ZEB2: variants seen among roughly 807,000 people sequenced by gnomAD.
ZEB2 encodes zinc finger E-box-binding homeobox 2.
Under a neutral mutation model 99.9 loss-of-function variants are expected in ZEB2, and 6 were observed. That is an observed-to-expected ratio of 0.06 (90% CI 0.03 to 0.12). The LOEUF (loss-of-function observed/expected upper bound fraction) is 0.12, where lower values mean the gene tolerates loss of function less well. ZEB2 is among the 10% of genes least tolerant of loss of function. The pLI is 1.00. For synonymous variants in ZEB2, 517 were observed against 542.5 expected, an observed-to-expected ratio of 0.95 and a Z score of 0.65; for missense variants, 969 against 1,502.8, an observed-to-expected ratio of 0.64 and a Z score of 5.87.
Position 144,483,117 on chromosome 2 carries a change from G to GACACACACACACACAC in ZEB2, c.73+34145_73+34160dup, listed in dbSNP as rs70985858. On this transcript the variant is annotated intron_variant, in intron 2 of 9. Coordinates refer to ENST00000627532, the MANE Select transcript of ZEB2 (RefSeq NM_014795.4). ...AGAGAAAAAGTCAGTGTTTAGGTAA[G>GACACACACACACACAC]ACACACACACACACACACACACACA... Among the ~76,000 whole-genome samples, 145 of 130,754 alleles carry GACACACACACACACAC rather than the reference G, an allele frequency of 1.1e-3. 1 individual carries two copies. The highest frequency in any genetic ancestry group is 3.8e-3 in the Middle Eastern group (1 of 266). 85.8% of individuals were successfully genotyped at this position (130,754 alleles called of 152,430 possible). A position where few individuals can be genotyped will look rare whatever the true frequency, so the allele number is the denominator to read the frequency against.
At chr2:144,402,864 G>A (rs1000053543) in intron 6 of ZEB2, among the ~76,000 whole-genome samples, 2 of 152,164 alleles carry the variant, frequency 1.3e-5, no homozygotes, top group African/African-American at 4.8e-5. Flanking sequence ...TACATGAGCT[G>A]TTCTCCTAAA....
chr2:144,460,771 T>C (rs1485312912), intron 2 of ZEB2, among the ~76,000 whole-genome samples: 1 of 152,160 alleles, frequency 6.6e-6, no homozygotes, highest in Non-Finnish European at 1.5e-5. Context: ...ATTGGGCAGA[T>C]TGCTTCTCTC....
chr2:144,442,018 T>G (rs1437849843), intron 2 of ZEB2, among the ~76,000 whole-genome samples: 1 of 152,164 alleles, frequency 6.6e-6, no homozygotes, highest in Non-Finnish European at 1.5e-5. Context: ...AGAACCTCCG[T>G]TTCATTAAGA....
intron 2 of ZEB2, among the ~76,000 whole-genome samples, chr2:144,466,997 C>T (rs1704280875): frequency 6.6e-6 from 1 of 152,068 alleles, no homozygotes; most frequent in Non-Finnish European, 1.5e-5. Context: ...ATTAAGGTCG[C>T]CAAAATAATT....
chr2:144,467,270 T>A (rs1361025904), intron 2 of ZEB2, among the ~76,000 whole-genome samples: 1 of 152,052 alleles, frequency 6.6e-6, no homozygotes, highest in Non-Finnish European at 1.5e-5. Context: ...TTAAAGAAGG[T>A]AAATTTTGCC....
At position 144,449,563 on chromosome 2, in the gene ZEB2, G is replaced by A. The variant is rs371157308; in HGVS notation, c.74-19537C>T. Reference sequence around the variant, plus strand: ...GGTTGAAAGGTAGTGGAAAGTGGCTGAGTAAGACCCCGTCAGATTCAGTGC... The same window carrying A: ...GGTTGAAAGGTAGTGGAAAGTGGCTAAGTAAGACCCCGTCAGATTCAGTGC... On this transcript the variant is annotated intron_variant, in intron 2 of 9. Transcript: ENST00000627532. 9 of 152,222 alleles carry A rather than the reference G, an allele frequency of 5.9e-5. No homozygotes were observed. The East Asian group carries it at 7.7e-4, about 13-fold the overall frequency. The allele number at this position is 152,222 out of a possible 1,614,324, so 9.4% of individuals were successfully genotyped here.
At chr2:144,410,346 C>T (rs1703443375) in intron 4 of ZEB2, among the ~76,000 whole-genome samples, 1 of 152,140 alleles carries the variant, frequency 6.6e-6, no homozygotes. Context: ...GCCACTCTTA[C>T]TAATGTTGCT....
At chr2:144,513,417 T>C (rs961173303) in intron 2 of ZEB2, 30 of 1,392,012 alleles carry the variant, frequency 2.2e-5, no homozygotes, top group African/African-American at 8.6e-5. Context: ...CCCAACCCTT[T>C]AGTGGAAACT....
intron 2 of ZEB2, among the ~76,000 whole-genome samples, chr2:144,514,773 A>C (rs1261921219): frequency 1.3e-5 from 2 of 152,250 alleles, no homozygotes; most frequent in African/African-American, 2.4e-5. Flanking sequence ...AAAGTTAGAG[A>C]AGCTGTAAGC....
At chr2:144,441,209 A>AGAGAGAGAGAGAGAGAGAGAGAC (rs1553965039) in intron 2 of ZEB2, among the ~76,000 whole-genome samples, 1 of 24,274 alleles carries the variant, frequency 4.1e-5, no homozygotes, top group Admixed American at 4.3e-4. Flanking sequence ...GAGAGAGAGA[A>AGAGAGAGAGAGAGAGAGAGAGAC]CCTCATGCCT....
chr2:144,512,405 AG>A, intron 2 of ZEB2: 1 of 1,287,246 alleles, frequency 7.8e-7, no homozygotes, highest in Non-Finnish European at 1.0e-6. Flanking sequence ...TCCTACCTTC[AG>A]GGTAGACATA....
chr2:144,455,084 T>C (rs553411528), intron 2 of ZEB2: 2 of 152,204 alleles, frequency 1.3e-5, no homozygotes, highest in East Asian at 3.9e-4. Flanking sequence ...TCAAATTCAG[T>C]CAGAGATAAC....
At position 144,386,988 on chromosome 2, in the gene ZEB2, G is replaced by C. The variant is rs916243189; in HGVS notation, c.*2463C>G. On this transcript the variant is annotated 3_prime_UTR_variant, in exon 10 of 10. Transcript: ENST00000627532. ...AGCTAAAAACATGTTTTTCTAAAAAGGTCTGCTCAACTATTACTGTATCTT... is the reference window on the plus strand; with the variant it reads ...AGCTAAAAACATGTTTTTCTAAAAACGTCTGCTCAACTATTACTGTATCTT... The C allele has an allele frequency of 4.5e-5, 5 of 109,988 alleles. No individual in the cohort carries two copies. Among genetic ancestry groups the C allele is most frequent in the Non-Finnish European group, 8.4e-5 (5 of 59,488 alleles). The allele number at this position is 109,988 out of a possible 1,614,324, so 6.8% of individuals were successfully genotyped here. A position where few individuals can be genotyped will look rare whatever the true frequency, so the allele number is the denominator to read the frequency against.
chr2:144,517,721 C>T, intron 1 of ZEB2: 4 of 702,816 alleles, frequency 5.7e-6, no homozygotes, highest in Non-Finnish European at 1.0e-5. Context: ...TACAGTAAGA[C>T]CGCTTGACTC....
In ZEB2 at chr2:144,519,947, T is replaced by A. The variant is rs1244124443; in HGVS notation, c.-78A>T. The A allele has an allele frequency of 1.1e-5, 5 of 451,264 alleles. No individual in the cohort carries two copies. The Admixed American group carries it at 1.2e-4, about 11-fold the overall frequency. The allele number at this position is 451,264 out of a possible 1,614,324, so 28.0% of individuals were successfully genotyped here. A position where few individuals can be genotyped will look rare whatever the true frequency, so the allele number is the denominator to read the frequency against. On this transcript the variant is annotated 5_prime_UTR_variant, in exon 1 of 10. Transcript: ENST00000627532. Reference sequence around the variant, plus strand: ...GAGGAAAAAAAACCTACCTGCGAAGTCTTGTTTGTAGTTTTGGCCAGAAAT... The same window carrying A: ...GAGGAAAAAAAACCTACCTGCGAAGACTTGTTTGTAGTTTTGGCCAGAAAT...
intron 2 of ZEB2, among the ~76,000 whole-genome samples, chr2:144,441,098 C>G (rs1703910130): frequency 6.8e-6 from 1 of 146,790 alleles, no homozygotes; most frequent in Admixed American, 7.0e-5. Flanking sequence ...GCGCCTAACT[C>G]CAGACTTGCC....
intron 2 of ZEB2, among the ~76,000 whole-genome samples, chr2:144,456,952 C>G (rs1198388918): frequency 6.6e-6 from 1 of 152,048 alleles, no homozygotes; most frequent in Non-Finnish European, 1.5e-5. Flanking sequence ...TCAATCGTTC[C>G]AGCTCTCACA....
At chr2:144,499,214 C>T (rs1704833518) in intron 2 of ZEB2, among the ~76,000 whole-genome samples, 1 of 152,116 alleles carries the variant, frequency 6.6e-6, no homozygotes, top group African/African-American at 2.4e-5. Flanking sequence ...CTCTTAACTC[C>T]AGTGGTATCA....
chr2:144,512,628 T>C, intron 2 of ZEB2: 3 of 1,287,152 alleles, frequency 2.3e-6, no homozygotes, highest in Non-Finnish European at 3.0e-6. Flanking sequence ...CAATGTAAAG[T>C]TTAAAATCCT....
Sources: allele counts gnomAD v4.1 joint callset (sites outside exome capture counted in the v4.1 genomes callset), GRCh38; gene constraint gnomAD v4.1.1; transcripts MANE v1.5; gene names NCBI Gene and HGNC (gene_info 2026-07-23, HGNC 2026-07-21).